PTPRM: variants seen among roughly 807,000 people sequenced by gnomAD.
PTPRM encodes the protein receptor-type tyrosine-protein phosphatase mu.
Under a neutral mutation model 186.7 loss-of-function variants are expected in PTPRM, and 47 were observed. That is an observed-to-expected ratio of 0.25 (90% CI 0.20 to 0.32). The LOEUF is 0.32. Among genes scored for constraint, PTPRM ranks in the 10% least tolerant of loss-of-function variants. The pLI is 1.00. For missense variants in PTPRM, 1,494 were observed against 1,865.0 expected, an observed-to-expected ratio of 0.80 and a Z score of 3.66; for synonymous variants, 668 against 674.9, an observed-to-expected ratio of 0.99 and a Z score of 0.16.
chr18:7,747,845 A>T (rs934180348), intron 1 of PTPRM, among the ~76,000 whole-genome samples: 5 of 152,154 alleles, frequency 3.3e-5, no homozygotes, highest in Admixed American at 2.0e-4. Context: ...ATCTGGGGGG[A>T]TGAAATGAGG....
At chr18:8,323,805 G>A (rs1264071643) in intron 22 of PTPRM, among the ~76,000 whole-genome samples, 1 of 152,012 alleles carries the variant, frequency 6.6e-6, no homozygotes, top group Admixed American at 6.6e-5. Flanking sequence ...CCATAGGACC[G>A]CCCAGCCATG....
chr18:7,927,676 C>T (rs1183229564), intron 5 of PTPRM, among the ~76,000 whole-genome samples: 1 of 152,160 alleles, frequency 6.6e-6, no homozygotes. Context: ...TGATTGGAGA[C>T]TCCGTGTGAC....
At chr18:7,808,054 A>G (rs917625352) in intron 2 of PTPRM, among the ~76,000 whole-genome samples, 1 of 152,176 alleles carries the variant, frequency 6.6e-6, no homozygotes, top group Non-Finnish European at 1.5e-5. Flanking sequence ...ATGCATATTC[A>G]TAACACACTG....
rs897716996 is a variant in PTPRM, at chr18:7,888,301, A to C, written c.392A>C (p.Asn131Thr). 1 of 1,614,088 alleles carries C rather than the reference A, an allele frequency of 6.2e-7. No individual in the cohort carries two copies. The highest frequency in any genetic ancestry group is 8.5e-7 in the Non-Finnish European group (1 of 1,180,032). Residue 131 changes from asparagine to threonine, a missense_variant, in exon 3 of 33, where the codon AAT (asparagine) becomes ACT (threonine). Asn to Thr is a moderately conservative substitution (Grantham distance 65). Transcript: ENST00000580170. Reference protein sequence around the residue: ...NNGPLGNPIWNISGDPTRTWN... With the variant: ...NNGPLGNPIWTISGDPTRTWN... ...GGGCCACTGGGGAATCCTATCTGGAATATATCTGGAGACCCAACACGTACA... is the reference window on the plus strand; with the variant it reads ...GGGCCACTGGGGAATCCTATCTGGACTATATCTGGAGACCCAACACGTACA...
rs2090402694 is a variant in PTPRM at position 8,085,811 on chromosome 18, A to C, written c.1692A>C (p.Arg564=). 6.2e-7 allele frequency: 1 copy of C among 1,613,352 alleles called. No homozygotes were observed. The highest frequency in any genetic ancestry group is 1.3e-5 in the African/African-American group (1 of 74,876). ...GGACCACATACTCCTTTACCATCCGAGCTAGCACAGCTAAGGGTTTTGGGC... is the reference window on the plus strand; with the variant it reads ...GGACCACATACTCCTTTACCATCCGCGCTAGCACAGCTAAGGGTTTTGGGC... The part of the protein sequence containing the change: ...YPGTTYSFTI[R]ASTAKGFGPP... The change falls in exon 10 of 33, where the codon CGA becomes CGC. Residue 564 remains arginine (R), a synonymous_variant. Coordinates refer to ENST00000580170, the MANE Select transcript of PTPRM (RefSeq NM_001105244.2).
chr18:7,898,936 A>G (rs1365681856), intron 3 of PTPRM, among the ~76,000 whole-genome samples: 1 of 152,204 alleles, frequency 6.6e-6, no homozygotes, highest in African/African-American at 2.4e-5. Flanking sequence ...CTTTGGTCAC[A>G]ATGTTTTTGT....
chr18:8,385,213 A>G (rs1482367577), intron 30 of PTPRM, among the ~76,000 whole-genome samples: 2 of 152,248 alleles, frequency 1.3e-5, no homozygotes, highest in African/African-American at 4.8e-5. Context: ...GTGACTTAAC[A>G]GAAATTGCTA....
At chr18:8,178,575 G>C (rs1025523326) in intron 14 of PTPRM, among the ~76,000 whole-genome samples, 2 of 152,046 alleles carry the variant, frequency 1.3e-5, no homozygotes, top group Admixed American at 6.6e-5. Context: ...ACTGAGGTCA[G>C]GAGTTTGAGA....
In PTPRM at chr18:7,955,434, C is replaced by T. The variant is rs779264039; in HGVS notation, c.1132+20C>T. The T allele has an allele frequency of 1.9e-6, 3 of 1,593,118 alleles. No individual in the cohort carries two copies. Among genetic ancestry groups the T allele is most frequent in the South Asian group, 1.1e-5 (1 of 89,178 alleles). On this transcript the variant is annotated intron_variant, in intron 7 of 32. Coordinates refer to ENST00000580170, the MANE Select transcript of PTPRM (RefSeq NM_001105244.2). ...GTGCTGGTGAGTATAAGGAACCCTGCAATTAATTGTCATTGTCTTTCCTGG... is the reference window on the plus strand; with the variant it reads ...GTGCTGGTGAGTATAAGGAACCCTGTAATTAATTGTCATTGTCTTTCCTGG...
intron 19 of PTPRM, among the ~76,000 whole-genome samples, chr18:8,289,007 C>G (rs1177227185): frequency 1.3e-5 from 2 of 152,062 alleles, no homozygotes; most frequent in Non-Finnish European, 1.5e-5. Context: ...TTCAGAGTGC[C>G]ACATGCACAG....
chr18:8,328,596 G>T (rs2095393072), intron 22 of PTPRM, among the ~76,000 whole-genome samples: 1 of 152,214 alleles, frequency 6.6e-6, no homozygotes, highest in South Asian at 2.1e-4. Flanking sequence ...ATTACCTAGT[G>T]AAGTGGAGTA....
At chr18:8,265,051 G>T (rs925873271) in intron 19 of PTPRM, among the ~76,000 whole-genome samples, 1 of 152,152 alleles carries the variant, frequency 6.6e-6, no homozygotes, top group African/African-American at 2.4e-5. Flanking sequence ...TTATTGATGT[G>T]ACTTGTGATT....
At chr18:7,712,488 G>A (rs994921118) in intron 1 of PTPRM, among the ~76,000 whole-genome samples, 2 of 152,008 alleles carry the variant, frequency 1.3e-5, no homozygotes, top group African/African-American at 2.4e-5. Flanking sequence ...CTCCTTACTG[G>A]CAAGGGAACA....
intron 1 of PTPRM, among the ~76,000 whole-genome samples, chr18:7,657,193 G>A (rs185147455): frequency 6.4e-4 from 97 of 152,254 alleles, no homozygotes; most frequent in Admixed American, 2.1e-3. Flanking sequence ...TTGTTGGCAG[G>A]GTTTGAAGGC....
chr18:8,094,504 T>C lies in PTPRM; in HGVS notation c.1856+5653T>C, dbSNP rs2090919076. ...TCCCAGCACTTTGGGAGGCCAAGGT[T>C]GGAGGATTGCTTGAGCCTGGGAGTG... On this transcript the variant is annotated intron_variant, in intron 11 of 32. Coordinates refer to ENST00000580170, the MANE Select transcript of PTPRM (RefSeq NM_001105244.2). Among the ~76,000 whole-genome samples, 5 of 152,132 alleles carry C rather than the reference T, an allele frequency of 3.3e-5. No homozygotes were observed. In the South Asian group the frequency reaches 1.0e-3, roughly 32 times the overall value.
intron 2 of PTPRM, among the ~76,000 whole-genome samples, chr18:7,827,111 A>G (rs1056539952): frequency 1.3e-5 from 2 of 152,166 alleles, no homozygotes; most frequent in African/African-American, 4.8e-5. Context: ...AACAAAAACA[A>G]AAACAAAACA....
chr18:7,770,179 C>T (rs2042209507), intron 1 of PTPRM, among the ~76,000 whole-genome samples: 1 of 152,166 alleles, frequency 6.6e-6, no homozygotes, highest in African/African-American at 2.4e-5. Flanking sequence ...TTCAGAAAAT[C>T]AAGAAGACTG....
At chr18:7,669,594 C>A (rs564361199) in intron 1 of PTPRM, among the ~76,000 whole-genome samples, 1 of 152,272 alleles carries the variant, frequency 6.6e-6, no homozygotes, top group African/African-American at 2.4e-5. Flanking sequence ...AGTTAAATGT[C>A]AGGGATAAGG....
chr18:7,891,739 G>C (rs764098086), intron 3 of PTPRM, among the ~76,000 whole-genome samples: 1 of 152,092 alleles, frequency 6.6e-6, no homozygotes, highest in African/African-American at 2.4e-5. Flanking sequence ...GCTGGGCATG[G>C]TGGTGCGTGC....
Sources: allele counts gnomAD v4.1 joint callset (sites outside exome capture counted in the v4.1 genomes callset), GRCh38; gene constraint gnomAD v4.1.1; transcripts MANE v1.5; gene names NCBI Gene and HGNC (gene_info 2026-07-23, HGNC 2026-07-21).